The following TBC1D9 variants were observed in gnomAD, a reference collection of about 807,000 sequenced individuals.
TBC1D9 encodes the protein TBC1 domain family member 9A.
Under a neutral mutation model 132.0 loss-of-function variants are expected in TBC1D9, and 63 were observed. The observed-to-expected ratio is 0.48, with a 90% CI of 0.39 to 0.59. TBC1D9 has a LOEUF of 0.59. TBC1D9 is among the 20% of genes least tolerant of loss of function. TBC1D9 has a pLI of 0.00. For missense variants in TBC1D9, 1,261 were observed against 1,592.7 expected, an observed-to-expected ratio of 0.79 and a Z score of 3.54; for synonymous variants, 610 against 609.9, an observed-to-expected ratio of 1.00 and a Z score of 0.00.
intron 1 of TBC1D9, among the ~76,000 whole-genome samples, chr4:140,720,873 C>T (rs972429026): frequency 2.0e-5 from 3 of 152,222 alleles, no homozygotes; most frequent in Non-Finnish European, 4.4e-5. Context: ...CAACATGACC[C>T]TTGTAGGTGA....
chr4:140,711,943 C>T (rs1056484847), intron 1 of TBC1D9, among the ~76,000 whole-genome samples: 1 of 152,152 alleles, frequency 6.6e-6, no homozygotes, highest in Admixed American at 6.5e-5. Flanking sequence ...TCAAAAATAT[C>T]TCAAATGTAC....
At chr4:140,651,934 C>T (rs1056968054) in intron 13 of TBC1D9, among the ~76,000 whole-genome samples, 4 of 152,140 alleles carry the variant, frequency 2.6e-5, no homozygotes, top group African/African-American at 9.7e-5. Context: ...GGTGCTTATA[C>T]AATCTTAAAT....
chr4:140,744,335 C>T (rs1306037392), intron 1 of TBC1D9, among the ~76,000 whole-genome samples: 2 of 152,072 alleles, frequency 1.3e-5, no homozygotes, highest in African/African-American at 4.8e-5. Context: ...TTTCTCTCAG[C>T]CAAGGGAACT....
intron 1 of TBC1D9, among the ~76,000 whole-genome samples, chr4:140,738,241 G>A (rs1227601139): frequency 6.6e-6 from 1 of 152,132 alleles, no homozygotes; most frequent in Non-Finnish European, 1.5e-5. Context: ...CTTGGGAACC[G>A]AGTTATGCAA....
chr4:140,744,973 C>G (rs764460314), intron 1 of TBC1D9, among the ~76,000 whole-genome samples: 1 of 151,786 alleles, frequency 6.6e-6, no homozygotes, highest in Admixed American at 6.6e-5. Context: ...CCTATCTTAA[C>G]CCAGTCACTC....
chr4:140,703,483 C>T (rs767406404), intron 1 of TBC1D9, among the ~76,000 whole-genome samples: 88 of 151,968 alleles, frequency 5.8e-4, no homozygotes, highest in Middle Eastern at 3.4e-3. Flanking sequence ...TCTGTTATAA[C>T]CATTTCTGTG....
At chr4:140,666,832 T>C (rs1737453701) in intron 9 of TBC1D9, among the ~76,000 whole-genome samples, 1 of 145,146 alleles carries the variant, frequency 6.9e-6, no homozygotes, top group Non-Finnish European at 1.5e-5. Context: ...ATATATATAT[T>C]GACAGGGTAA....
rs1218566005 is a variant in TBC1D9, at chr4:140,624,201, T to G, written c.2993A>C (p.Gln998Pro). The G allele has an allele frequency of 1.2e-6, 2 of 1,611,884 alleles. No homozygotes were observed. The highest frequency in any genetic ancestry group is 1.3e-5 in the African/African-American group (1 of 74,916). The change falls in exon 20 of 21, where the codon CAA becomes CCA. Residue 998 changes from glutamine to proline, a missense_variant. Physicochemically the swap from Gln to Pro is moderately conservative, Grantham distance 76. Around this residue, in one of 3 missense-constraint regions of TBC1D9, gnomAD observed 618 missense variants for 724.4 expected, o/e 0.85. Transcript: ENST00000442267. ...CAGTCTCAAATAATTACGATTTTCT[T>G]GGGAATTTGCTCTCTTCCCTACAAC... ...KPDKGKRANSQENRNYLRLWT... is the reference protein window; with the variant it reads ...KPDKGKRANSPENRNYLRLWT...
At chr4:140,684,461 C>T (rs1462096694) in intron 3 of TBC1D9, among the ~76,000 whole-genome samples, 1 of 152,064 alleles carries the variant, frequency 6.6e-6, no homozygotes, top group Non-Finnish European at 1.5e-5. Flanking sequence ...CATTCTTTCA[C>T]ACATAACTGC....
intron 1 of TBC1D9, among the ~76,000 whole-genome samples, chr4:140,704,399 T>TCAAA (rs10660967): frequency 0.43 from 57,072 of 133,238 alleles, 14,098 homozygotes; most frequent in African/African-American, 0.68. Flanking sequence ...AGACTCTGTC[T>TCAAA]CAAACAAACA....
intron 13 of TBC1D9, chr4:140,642,279 G>A (rs1379345733): frequency 5.7e-6 from 4 of 707,750 alleles, no homozygotes; most frequent in Non-Finnish European, 1.0e-5. Flanking sequence ...CACTTCGGAG[G>A]CAAACGCGGA....
intron 1 of TBC1D9, among the ~76,000 whole-genome samples, chr4:140,752,267 C>T (rs1182093378): frequency 6.6e-6 from 1 of 151,916 alleles, no homozygotes; most frequent in Admixed American, 6.6e-5. Context: ...TTACAACCAA[C>T]AGCAACAAAA....
At chr4:140,675,843 C>A (rs950954229) in intron 6 of TBC1D9, among the ~76,000 whole-genome samples, 2 of 152,072 alleles carry the variant, frequency 1.3e-5, no homozygotes, top group African/African-American at 4.8e-5. Context: ...GACCAGGGTG[C>A]CCTCAGACCT....
chr4:140,740,310 T>C (rs888298937), intron 1 of TBC1D9, among the ~76,000 whole-genome samples: 3 of 152,234 alleles, frequency 2.0e-5, no homozygotes, highest in African/African-American at 7.2e-5. Context: ...AAGTAAATTC[T>C]TTTCTGGATT....
rs1248886478 is a variant in TBC1D9, at chr4:140,621,984, C to A, written c.*211G>T. On this transcript the variant is annotated 3_prime_UTR_variant, in exon 21 of 21. Transcript: ENST00000442267. ...AATAAACTGTATTCTGGTAAATCCCCTCCCCGCAACAAGAGTGTAATGTAC... is the reference window on the plus strand; with the variant it reads ...AATAAACTGTATTCTGGTAAATCCCATCCCCGCAACAAGAGTGTAATGTAC... 1.7e-6 allele frequency: 1 copy of A among 589,534 alleles called. No homozygotes were observed. The highest frequency in any genetic ancestry group is 2.6e-6 in the Non-Finnish European group (1 of 383,334). The allele number at this position is 589,534 out of a possible 1,614,324, so 36.5% of individuals were successfully genotyped here.
chr4:140,709,901 G>T (rs149478820), intron 1 of TBC1D9, among the ~76,000 whole-genome samples: 75 of 152,262 alleles, frequency 4.9e-4, no homozygotes, highest in African/African-American at 1.6e-3. Context: ...GAGCTCAAAT[G>T]CTCCCTCACC....
intron 9 of TBC1D9, among the ~76,000 whole-genome samples, chr4:140,666,639 A>C (rs1354286937): frequency 6.6e-6 from 1 of 151,964 alleles, no homozygotes; most frequent in Non-Finnish European, 1.5e-5. Context: ...CGCCCAGCCT[A>C]TATCTATTTT....
chr4:140,686,283 A>G (rs1194225670), intron 3 of TBC1D9, 61 bp downstream of exon 3: 3 of 1,096,862 alleles, frequency 2.7e-6, no homozygotes, highest in East Asian at 2.4e-5. Context: ...TCTTATTTTT[A>G]CAACATTTCT....
chr4:140,683,175 G>A (rs1057495015), intron 3 of TBC1D9, among the ~76,000 whole-genome samples: 5 of 152,090 alleles, frequency 3.3e-5, no homozygotes, highest in South Asian at 2.1e-4. Flanking sequence ...ACCGCACCTG[G>A]CCTGCTCATT....
Sources: gnomAD v4.1 joint callset for allele counts (sites outside exome capture counted in the v4.1 genomes callset) on GRCh38, gnomAD v4.1.1 for gene constraint, gnomAD v4.1.1 regional missense constraint, MANE v1.5 for transcripts, NCBI Gene and HGNC (gene_info 2026-07-23, HGNC 2026-07-21) for gene names.